Variants in SETD2 observed in about 807,000 individuals in gnomAD.
SETD2 encodes histone-lysine N-methyltransferase SETD2.
SETD2 carries 31 observed loss-of-function variants against 242.1 expected under a neutral mutation model. The ratio of observed to expected loss-of-function variants is 0.13; its 90% CI spans 0.10 to 0.17. The LOEUF (loss-of-function observed/expected upper bound fraction) is 0.17, where lower values mean the gene tolerates loss of function less well. SETD2 is among the 10% of genes least tolerant of loss of function. The pLI, the probability that SETD2 is intolerant of heterozygous loss-of-function variation, is 1.00. For missense variants in SETD2, 2,481 were observed against 3,046.3 expected, an observed-to-expected ratio of 0.81 and a Z score of 4.37; for synonymous variants, 1,006 against 1,066.5, an observed-to-expected ratio of 0.94 and a Z score of 1.11.
intron 5 of SETD2, 77 bp from the exon 6 acceptor site, chr3:47,106,197 A>C: frequency 7.7e-7 from 1 of 1,306,842 alleles, no homozygotes; most frequent in Non-Finnish European, 1.1e-6. Flanking sequence ...GGCAAAAATA[A>C]GGAATTTAAA....
intron 15 of SETD2, among the ~76,000 whole-genome samples, chr3:47,054,530 A>C (rs892173384): frequency 2.0e-5 from 3 of 152,188 alleles, no homozygotes; most frequent in African/African-American, 7.2e-5. Context: ...AAGAAAGAAT[A>C]TGGCTCATAC....
At chr3:47,023,507 C>T (rs1402342634) in intron 18 of SETD2, among the ~76,000 whole-genome samples, 1 of 152,110 alleles carries the variant, frequency 6.6e-6, no homozygotes, top group African/African-American at 2.4e-5. Context: ...GAAGCTGAGC[C>T]ATCATAAACA....
chr3:47,020,510 C>T (rs1218136750), intron 18 of SETD2, among the ~76,000 whole-genome samples: 3 of 152,164 alleles, frequency 2.0e-5, no homozygotes, highest in Non-Finnish European at 4.4e-5. Flanking sequence ...CCTTCCAGCA[C>T]TGCTAGAGGG....
In SETD2 at chr3:47,120,309, C is replaced by A. The variant is rs2107740120; in HGVS notation, c.4327G>T (p.Ala1443Ser). ...ATGACACAGGAGGGCCCAACCAGTG[C>A]TGAACCTGGGGGCACTGATGTCTCT... is the stretch of plus-strand genomic sequence containing the variant. ...QGETSVPPGSALVGPSCVMDD... is the reference protein window; with the variant it reads ...QGETSVPPGSSLVGPSCVMDD... Residue 1443 changes from alanine to serine, a missense_variant, in exon 3 of 21, where the codon GCA becomes TCA. Ala to Ser is a moderately conservative substitution (Grantham distance 99). Transcript: ENST00000409792. 1 of 1,613,994 alleles carries A rather than the reference C, an allele frequency of 6.2e-7. No homozygotes were observed. Among genetic ancestry groups the A allele is most frequent in the Non-Finnish European group, 8.5e-7 (1 of 1,179,966 alleles).
chr3:47,060,234 C>T (rs1392715365), intron 14 of SETD2, among the ~76,000 whole-genome samples: 1 of 152,162 alleles, frequency 6.6e-6, no homozygotes, highest in Non-Finnish European at 1.5e-5. Flanking sequence ...TGCACTCCAG[C>T]TTGGGCAACA....
At chr3:47,126,141 T>G (rs1177075394) in intron 2 of SETD2, among the ~76,000 whole-genome samples, 54 of 152,356 alleles carry the variant, frequency 3.5e-4, no homozygotes, top group African/African-American at 2.4e-5. Flanking sequence ...GCAATTCTCC[T>G]GCCTCAGTCT....
rs183874733 is a variant in SETD2 at position 47,046,067 on chromosome 3, C to T, written c.7098+420G>A. On this transcript the variant is annotated intron_variant, in intron 16 of 20. Coordinates refer to ENST00000409792, the MANE Select transcript of SETD2 (RefSeq NM_014159.7). ...TTTAAAAACGGGCCGGGCGTGGTGG[C>T]TCATGCCTATAAATAATCCCAGCAC... 5.4e-4 allele frequency among the ~76,000 whole-genome samples: 82 copies of T among 152,018 alleles called. 1 individual carries two copies. Among genetic ancestry groups the T allele is most frequent in the Non-Finnish European group, 7.5e-4 (51 of 67,976 alleles).
intron 1 of SETD2, among the ~76,000 whole-genome samples, chr3:47,162,179 C>A: frequency 6.6e-6 from 1 of 152,152 alleles, no homozygotes; most frequent in East Asian, 1.9e-4. Context: ...CACCAAACAA[C>A]CTGGTAAAAG....
intron 18 of SETD2, among the ~76,000 whole-genome samples, chr3:47,034,232 G>A (rs1344311744): frequency 1.3e-5 from 2 of 152,180 alleles, no homozygotes; most frequent in African/African-American, 4.8e-5. Context: ...ACTGAGTGAA[G>A]CTGATACCTT....
In SETD2 at chr3:47,066,541, G is replaced by A. The variant is rs142258176; in HGVS notation, c.6109+529C>T. 1.6e-3 allele frequency among the ~76,000 whole-genome samples: 251 copies of A among 152,134 alleles called. 2 individuals carry two copies. The highest frequency in any genetic ancestry group is 5.4e-3 in the African/African-American group (223 of 41,510). ...TTTTTGTATTTTTTGTAGAGACAGG[G>A]TTTCACCATGTTTCCCAGGCTGGTC... On this transcript the variant is annotated intron_variant, in intron 13 of 20. Coordinates refer to ENST00000409792, the MANE Select transcript of SETD2 (RefSeq NM_014159.7).
chr3:47,046,357 T>C (rs1484457771), intron 16 of SETD2, 130 bp downstream of exon 16: 2 of 696,482 alleles, frequency 2.9e-6, no homozygotes, highest in Non-Finnish European at 4.1e-6. Flanking sequence ...TAAAATAAAA[T>C]AAAATAAAAC....
intron 1 of SETD2, among the ~76,000 whole-genome samples, chr3:47,156,401 A>G (rs985049200): frequency 2.0e-5 from 3 of 152,234 alleles, no homozygotes; most frequent in African/African-American, 7.2e-5. Flanking sequence ...TATGTATAAA[A>G]TACGGCTTGG....
intron 12 of SETD2, among the ~76,000 whole-genome samples, chr3:47,075,563 T>TC (rs1433014498): frequency 1.2e-4 from 2 of 16,752 alleles, no homozygotes; most frequent in African/African-American, 6.2e-4. Context: ...AAACTCCGTC[T>TC]CAAAAAAAAA....
intron 14 of SETD2, 87 bp from the exon 15 acceptor site, chr3:47,057,577 T>G: frequency 2.1e-6 from 2 of 945,958 alleles, no homozygotes; most frequent in South Asian, 3.1e-5. Context: ...CACTCATGAC[T>G]AAACCACTAA....
At position 47,118,183 on chromosome 3, in the gene SETD2, T is replaced by C. The variant is rs549572602; in HGVS notation, c.4455-1429A>G. On this transcript the variant is annotated intron_variant, in intron 3 of 20. Transcript: ENST00000409792. The stretch of plus-strand genomic sequence containing the variant: ...AATGAGTATATGAATATGCTTAGCC[T>C]GAAGATGACTAAACGAAATTATCTA... Among the ~76,000 whole-genome samples, 16 of 152,346 alleles carry C rather than the reference T, an allele frequency of 1.1e-4. No homozygotes were observed. The East Asian group carries it at 3.1e-3, about 29-fold the overall frequency.
chr3:47,049,310 T>A (rs1450159366), intron 15 of SETD2, among the ~76,000 whole-genome samples: 1 of 5,676 alleles, frequency 1.8e-4, no homozygotes, highest in South Asian at 2.6e-3. Flanking sequence ...TCTAAATATA[T>A]ATATATATAT....
chr3:47,058,126 G>T (rs938364885), intron 14 of SETD2, among the ~76,000 whole-genome samples: 5 of 152,080 alleles, frequency 3.3e-5, no homozygotes, highest in African/African-American at 1.2e-4. Flanking sequence ...GAAAACTGAA[G>T]AATAAATAGA....
chr3:47,088,437 A>G (rs918813725), intron 9 of SETD2, among the ~76,000 whole-genome samples, 190 bp from the exon 10 acceptor site: 5 of 152,178 alleles, frequency 3.3e-5, no homozygotes, highest in Admixed American at 6.6e-5. Context: ...ATGAAAGTAT[A>G]AAGTGGTATA....
intron 14 of SETD2, among the ~76,000 whole-genome samples, chr3:47,057,706 A>T (rs2040140700): frequency 6.6e-6 from 1 of 152,208 alleles, no homozygotes; most frequent in Non-Finnish European, 1.5e-5. Context: ...TTCATCTCTA[A>T]TTTCATCTCT....
Sources: allele counts gnomAD v4.1 joint callset (sites outside exome capture counted in the v4.1 genomes callset), GRCh38; gene constraint gnomAD v4.1.1; transcripts MANE v1.5; gene names NCBI Gene and HGNC (gene_info 2026-07-23, HGNC 2026-07-21).